The following MDN1 variants were observed in gnomAD, a reference collection of about 807,000 sequenced individuals.
MDN1 encodes the protein midasin AAA ATPase 1, also known as midasin.
Under a neutral mutation model 669.2 loss-of-function variants are expected in MDN1, and 266 were observed. The ratio of observed to expected loss-of-function variants is 0.40; its 90% CI spans 0.36 to 0.44. MDN1 has a LOEUF of 0.44. Among genes scored for constraint, MDN1 ranks in the 20% least tolerant of loss-of-function variants. The probability of loss-of-function intolerance (pLI) is 1.00; values close to 1 mark genes in which losing one functional copy is unlikely to be tolerated. For missense variants in MDN1, 5,940 were observed against 6,754.0 expected (o/e 0.88, Z 4.22); for synonymous variants, 2,385 against 2,457.1 (o/e 0.97, Z 0.87).
chr6:89,818,535 T>C (rs1197226729), intron 1 of MDN1, among the ~76,000 whole-genome samples: 2 of 150,706 alleles, frequency 1.3e-5, no homozygotes, highest in South Asian at 2.1e-4. Flanking sequence ...CACACTCACC[T>C]GTCCCGTGGC....
chr6:89,715,504 A>G, intron 45 of MDN1, 149 bp downstream of exon 45: 1 of 620,450 alleles, frequency 1.6e-6, no homozygotes, highest in Non-Finnish European at 2.9e-6. Context: ...GTAAAGCCTC[A>G]GTAAGTATTT....
chr6:89,819,039 T>C (rs1769068095), intron 1 of MDN1, among the ~76,000 whole-genome samples: 1 of 152,168 alleles, frequency 6.6e-6, no homozygotes, highest in African/African-American at 2.4e-5. Context: ...CGAATTTATC[T>C]ATCCACTTTC....
rs1201454900 is a variant in MDN1 at position 89,650,722 on chromosome 6, G to C, written c.16031+10C>G. ...GGGCACTGTGAGGCCTTCCAGAGGGGAAGACTTACTTCAGCTTGGCTGCCT... is the reference window on the plus strand; with the variant it reads ...GGGCACTGTGAGGCCTTCCAGAGGGCAAGACTTACTTCAGCTTGGCTGCCT... On this transcript the variant is annotated intron_variant, in intron 96 of 101. Transcript: ENST00000369393. 2 of 1,609,306 alleles carry C rather than the reference G, an allele frequency of 1.2e-6. No homozygotes were observed. Among genetic ancestry groups the C allele is most frequent in the South Asian group, 2.2e-5 (2 of 90,924 alleles).
chr6:89,728,485 A>C (rs1815375434), intron 36 of MDN1, among the ~76,000 whole-genome samples: 1 of 152,230 alleles, frequency 6.6e-6, no homozygotes, highest in South Asian at 2.1e-4. Flanking sequence ...AATCCAAAGA[A>C]GATTTAGTTT....
chr6:89,700,779 G>A lies in MDN1; in HGVS notation c.8505C>T (p.Ala2835=). The change falls in exon 56 of 102, where the codon GCC becomes GCT. Residue 2835 remains alanine (A), a synonymous_variant. Transcript: ENST00000369393. ...CTTCCTGCCATCCACTCTCCCCAAGGGCAGACATCTGCTCCCTGATGGCAA... is the reference window on the plus strand; with the variant it reads ...CTTCCTGCCATCCACTCTCCCCAAGAGCAGACATCTGCTCCCTGATGGCAA... ...KVLAIREQMS[A]LGESGWQEDI... The A allele has an allele frequency of 6.2e-7, 1 of 1,614,058 alleles. No homozygotes were observed. The highest frequency in any genetic ancestry group is 8.5e-7 in the Non-Finnish European group (1 of 1,180,008).
chr6:89,656,039 C>T (rs1809262894), intron 91 of MDN1, 71 bp from the exon 92 acceptor site: 3 of 1,360,118 alleles, frequency 2.2e-6, no homozygotes, highest in Non-Finnish European at 3.1e-6. Flanking sequence ...AACATAATAT[C>T]CATCTATAGG....
Position 89,687,359 on chromosome 6 carries a change from C to T in MDN1, c.11435G>A (p.Arg3812His), listed in dbSNP as rs758423879. The change falls in exon 68 of 102, where the codon CGT becomes CAT. Residue 3812 changes from arginine (R) to histidine (H), a missense_variant. Arg to His is a conservative substitution (Grantham distance 29). Coordinates refer to ENST00000369393, the MANE Select transcript of MDN1 (RefSeq NM_014611.3). Reference sequence around the variant, plus strand: ...AGTCACTTACTTCAGCTCCAGTTTACGCCACCGAATGATCATCTGACTGAT... The same window carrying T: ...AGTCACTTACTTCAGCTCCAGTTTATGCCACCGAATGATCATCTGACTGAT... ...DLISQMIIRW[R>H]KLELNCWSMS... The T allele has an allele frequency of 7.4e-6, 12 of 1,613,728 alleles. No homozygotes were observed. Among genetic ancestry groups the T allele is most frequent in the South Asian group, 6.6e-5 (6 of 91,030 alleles).
chr6:89,766,443 G>A (rs1817805806), intron 15 of MDN1, among the ~76,000 whole-genome samples: 1 of 152,114 alleles, frequency 6.6e-6, no homozygotes, highest in African/African-American at 2.4e-5. Context: ...AACTGCAACT[G>A]CAACACAAAT....
At position 89,774,645 on chromosome 6, in the gene MDN1, T is replaced by G. The variant is rs1562204987; in HGVS notation, c.1910A>C (p.Gln637Pro). 5 of 1,613,612 alleles carry G rather than the reference T, an allele frequency of 3.1e-6. No individual in the cohort carries two copies. The highest frequency in any genetic ancestry group is 4.2e-6 in the Non-Finnish European group (5 of 1,179,584). ...CCTCTGTAGGTGAACAGCCTCACTT[T>G]GTTTCCGTAGAAGCCGCACTCGACC... The part of the protein sequence containing the change: ...QVGRVRLLRK[Q>P]SEAVHLQREK... Residue 637 changes from glutamine to proline, a missense_variant, in exon 13 of 102, where the codon CAA becomes CCA. Gln to Pro is a moderately conservative substitution (Grantham distance 76, BLOSUM62 -1). This residue lies in a region of MDN1 where 1,203 missense variants were observed against 1,268.9 expected (regional missense o/e 0.95). Coordinates refer to ENST00000369393, the MANE Select transcript of MDN1 (RefSeq NM_014611.3).
rs764188989 is a variant in MDN1, at chr6:89,730,865, A to C, written c.5001T>G (p.Phe1667Leu). ...ALLARKECLK[F>L]LIKRLAKIVR... Reference sequence around the variant, plus strand: ...CTATCTTGGCAAGCCTCTTGATTAGAAATTTCAGACATTCTTTTCGTGCCA... The same window carrying C: ...CTATCTTGGCAAGCCTCTTGATTAGCAATTTCAGACATTCTTTTCGTGCCA... Residue 1667 changes from phenylalanine to leucine, a missense_variant, in exon 35 of 102, where the codon TTT (phenylalanine) becomes TTG (leucine). This residue lies in a region of MDN1 where 2,292 missense variants were observed against 2,638.3 expected (regional missense o/e 0.87). Transcript: ENST00000369393. The C allele has an allele frequency of 6.8e-6, 11 of 1,614,098 alleles. No homozygotes were observed. Among genetic ancestry groups the C allele is most frequent in the Non-Finnish European group, 8.5e-6 (10 of 1,179,992 alleles).
At chr6:89,811,860 C>T (rs771578241) in intron 1 of MDN1, among the ~76,000 whole-genome samples, 41 of 152,162 alleles carry the variant, frequency 2.7e-4, no homozygotes, top group Non-Finnish European at 4.4e-4. Flanking sequence ...CTCCTGGCTA[C>T]ACCTTTGTAT....
Position 89,727,905 on chromosome 6 carries a change from TC to T in MDN1, c.5399del (p.Gly1800GlufsTer15), listed in dbSNP as rs1475079236. 6.2e-7 allele frequency: 1 copy of T among 1,613,942 alleles called. No homozygotes were observed. Among genetic ancestry groups the T allele is most frequent in the Non-Finnish European group, 8.5e-7 (1 of 1,179,928 alleles). On this transcript the variant is annotated frameshift_variant, in exon 37 of 102. Transcript: ENST00000369393. LOFTEE classifies it high-confidence loss of function. The stretch of plus-strand genomic sequence containing the variant: ...GGCCATCACGCCAGGCAAACTCTCC[TC>T]CCTTGCCACCTTCAACAGGTAGATC... ...GADLPVEGGK[G>X]GEFAWRDGPL... is the part of the protein sequence containing the mutation.
chr6:89,746,604 AAAAAAAAAAAG>A (rs1415579690), intron 27 of MDN1, among the ~76,000 whole-genome samples: 28 of 64,896 alleles, frequency 4.3e-4, no homozygotes, highest in African/African-American at 1.2e-3. Context: ...AAAAAAAAAA[AAAAAAAAAAAG>A]AAAGAAAGAA....
intron 55 of MDN1, 106 bp downstream of exon 55, chr6:89,701,452 T>C (rs1303920275): frequency 7.0e-7 from 1 of 1,419,644 alleles, no homozygotes; most frequent in Non-Finnish European, 9.6e-7. Context: ...AGAGTTATGC[T>C]TTCAAGACAA....
At position 89,673,377 on chromosome 6, in the gene MDN1, G is replaced by A; in HGVS notation, c.13333C>T (p.Leu4445Phe). 1 of 1,614,188 alleles carries A rather than the reference G, an allele frequency of 6.2e-7. No individual in the cohort carries two copies. Among genetic ancestry groups the A allele is most frequent in the Non-Finnish European group, 8.5e-7 (1 of 1,180,032 alleles). The change falls in exon 80 of 102, where the codon CTT (leucine) becomes TTT (phenylalanine). Residue 4445 changes from leucine (L) to phenylalanine (F), a missense_variant. Physicochemically the swap from Leu to Phe is conservative, Grantham distance 22 (BLOSUM62 0). Coordinates refer to ENST00000369393, the MANE Select transcript of MDN1 (RefSeq NM_014611.3). ...HLQGLESLFI[L>F]PGMEVEQRDS... ...CTTTGCTCAACCTCCATCCCTGGAA[G>A]AATGAACAAGGACTCTAGGCCCTGC...
chr6:89,819,448 G>A, intron 1 of MDN1, 58 bp downstream of exon 1: 1 of 1,473,484 alleles, frequency 6.8e-7, no homozygotes, highest in South Asian at 1.2e-5. Flanking sequence ...AGCGCAGGAA[G>A]CTTACTAGTG....
chr6:89,720,506 T>C (rs988864278), intron 40 of MDN1, among the ~76,000 whole-genome samples: 9 of 152,040 alleles, frequency 5.9e-5, no homozygotes, highest in Admixed American at 2.6e-4. Context: ...TATCCTTCTA[T>C]AACATTATTT....
At chr6:89,793,060 A>G (rs1819365599) in intron 5 of MDN1, among the ~76,000 whole-genome samples, 1 of 152,146 alleles carries the variant, frequency 6.6e-6, no homozygotes, top group African/African-American at 2.4e-5. Flanking sequence ...ACTGGCTCCC[A>G]CTAGTGCCAG....
Position 89,780,202 on chromosome 6 carries a change from T to A in MDN1, c.1725+10A>T. The A allele has an allele frequency of 6.7e-7, 1 of 1,495,660 alleles. No individual in the cohort carries two copies. Among genetic ancestry groups the A allele is most frequent in the Non-Finnish European group, 9.0e-7 (1 of 1,109,514 alleles). 92.6% of individuals were successfully genotyped at this position (1,495,660 alleles called of 1,614,324 possible). A position where few individuals can be genotyped will look rare whatever the true frequency, so the allele number is the denominator to read the frequency against. ...ACCAAGACAAAAAAGACTGGAAAAC[T>A]ATATCTTACCTCTTGAAAAATATTT... is the stretch of plus-strand genomic sequence containing the variant. On this transcript the variant is annotated intron_variant, in intron 11 of 101. Transcript: ENST00000369393.
Sources: gnomAD v4.1 joint callset for allele counts (sites outside exome capture counted in the v4.1 genomes callset) on GRCh38, gnomAD v4.1.1 for gene constraint, gnomAD v4.1.1 regional missense constraint, MANE v1.5 for transcripts, NCBI Gene and HGNC (gene_info 2026-07-23, HGNC 2026-07-21) for gene names.